The following PARD3B variants were observed in gnomAD, a reference collection of about 807,000 sequenced individuals.
PARD3B encodes the protein par-3 family cell polarity regulator beta.
PARD3B carries 103 observed loss-of-function variants against 130.2 expected under a neutral mutation model. The observed-to-expected ratio is 0.79, with a 90% confidence interval of 0.67 to 0.93. The LOEUF (loss-of-function observed/expected upper bound fraction) is 0.93, where lower values mean the gene tolerates loss of function less well. Among genes scored for constraint, PARD3B ranks in the 40% least tolerant of loss-of-function variants. The pLI is 0.00. For missense variants in PARD3B, 1,609 were observed against 1,499.2 expected, an observed-to-expected ratio of 1.07 and a Z score of -1.21; for synonymous variants, 583 against 553.2, an observed-to-expected ratio of 1.05 and a Z score of -0.76.
chr2:204,624,374 G>A (rs2034408683), intron 1 of PARD3B, among the ~76,000 whole-genome samples: 1 of 152,124 alleles, frequency 6.6e-6, no homozygotes, highest in Non-Finnish European at 1.5e-5. Context: ...TGGTTGGAAT[G>A]TAAAATGGTA....
intron 2 of PARD3B, among the ~76,000 whole-genome samples, chr2:204,921,953 G>T (rs1019477787): frequency 5.3e-5 from 8 of 152,218 alleles, no homozygotes; most frequent in South Asian, 4.1e-4. Flanking sequence ...TGCAGGCTGG[G>T]GGTGTGGCAT....
rs13417841 is a variant in PARD3B at position 204,883,928 on chromosome 2, G to A, written c.223-81224G>A. 9.5e-3 allele frequency among the ~76,000 whole-genome samples: 1,413 copies of A among 148,586 alleles called. 26 individuals carry two copies. Among genetic ancestry groups the A allele is most frequent in the African/African-American group, 0.033 (1,327 of 40,208 alleles). On this transcript the variant is annotated intron_variant, in intron 2 of 22. Coordinates refer to ENST00000406610, the MANE Select transcript of PARD3B (RefSeq NM_001302769.2). The stretch of plus-strand genomic sequence containing the variant: ...AATTTTTTGTGTTTTTAGTAGAGAC[G>A]GGGTTTTACTATCTTGGTCAGGCTG...
intron 2 of PARD3B, among the ~76,000 whole-genome samples, chr2:204,931,365 G>T (rs1575339266): frequency 6.6e-6 from 1 of 152,092 alleles, no homozygotes; most frequent in East Asian, 1.9e-4. Context: ...ATAGTGCCTG[G>T]CATATGAAAA....
Position 204,546,052 on chromosome 2 carries a change from A to G in PARD3B, c.53A>G (p.Glu18Gly), listed in dbSNP as rs2029904739. ...ACGGGCATCGTGGTGCCCTGCAAGGAGGGCCAGCTGCGCGTCGGCGAGCTC... is the reference window on the plus strand; with the variant it reads ...ACGGGCATCGTGGTGCCCTGCAAGGGGGGCCAGCTGCGCGTCGGCGAGCTC... ...GRTGIVVPCK[E>G]GQLRVGELTQ... The change falls in exon 1 of 23, where the codon GAG (glutamate) becomes GGG (glycine). Residue 18 changes from glutamate to glycine, a missense_variant. Transcript: ENST00000406610. 1.3e-6 allele frequency: 2 copies of G among 1,566,216 alleles called. No homozygotes were observed. The highest frequency in any genetic ancestry group is 1.7e-6 in the Non-Finnish European group (2 of 1,154,686).
chr2:205,103,444 T>G (rs1702969193), intron 4 of PARD3B, among the ~76,000 whole-genome samples: 1 of 150,852 alleles, frequency 6.6e-6, no homozygotes, highest in African/African-American at 2.4e-5. Flanking sequence ...AAAATAAAAA[T>G]TAAAAAAAGA....
At chr2:205,355,413 C>G (rs1006947335) in intron 18 of PARD3B, among the ~76,000 whole-genome samples, 1 of 152,032 alleles carries the variant, frequency 6.6e-6, no homozygotes, top group Non-Finnish European at 1.5e-5. Flanking sequence ...AAAAAATAAG[C>G]AAAAATGATA....
In PARD3B at chr2:204,749,508, C is replaced by T. The variant is rs1407209913; in HGVS notation, c.222+63226C>T. ...AAGAGTTGTGGTTTACCAGTTTCTC[C>T]CAATTTGGCACCCACCAATTTGACT... On this transcript the variant is annotated intron_variant, in intron 2 of 22. Coordinates refer to ENST00000406610, the MANE Select transcript of PARD3B (RefSeq NM_001302769.2). Among the ~76,000 whole-genome samples the T allele has an allele frequency of 3.9e-5, 6 of 152,008 alleles. No homozygotes were observed. The South Asian group carries it at 1.2e-3, about 32-fold the overall frequency.
In PARD3B at chr2:205,615,699, A is replaced by C. The variant is rs1162813601; in HGVS notation, c.3504A>C (p.Arg1168Ser). 1 of 1,614,028 alleles carries C rather than the reference A, an allele frequency of 6.2e-7. No individual in the cohort carries two copies. Among genetic ancestry groups the C allele is most frequent in the South Asian group, 1.1e-5 (1 of 91,066 alleles). ...CGCCTTCCCCTCCCCAGCACCAAAG[A>C]ATGCCAGCCTATCAGGAAACAGGCA... ...DVPPSPPQHQ[R>S]MPAYQETGRP... is the part of the protein sequence containing the mutation. The change falls in exon 23 of 23, where the codon AGA (arginine) becomes AGC (serine). Residue 1168 changes from arginine to serine, a missense_variant. By Grantham distance (110) the Arg-to-Ser change is moderately radical. Transcript: ENST00000406610.
At chr2:205,130,737 A>G (rs1211899134) in intron 10 of PARD3B, among the ~76,000 whole-genome samples, 2 of 152,200 alleles carry the variant, frequency 1.3e-5, no homozygotes, top group South Asian at 2.1e-4. Flanking sequence ...TTTGCCTGCT[A>G]TTTGATGCTG....
At chr2:205,216,217 T>A (rs1298707415) in intron 15 of PARD3B, among the ~76,000 whole-genome samples, 1 of 152,128 alleles carries the variant, frequency 6.6e-6, no homozygotes, top group African/African-American at 2.4e-5. Flanking sequence ...GTTAACAGCA[T>A]AGGTACCATA....
intron 4 of PARD3B, 53 bp downstream of exon 4, chr2:205,047,743 T>C (rs764520078): frequency 3.0e-5 from 40 of 1,320,174 alleles, no homozygotes; most frequent in Non-Finnish European, 4.0e-5. Flanking sequence ...GCTGTACCCA[T>C]AGGTTAAGTG....
chr2:204,753,324 G>A (rs1396192597), intron 2 of PARD3B, among the ~76,000 whole-genome samples: 1 of 152,030 alleles, frequency 6.6e-6, no homozygotes, highest in Non-Finnish European at 1.5e-5. Flanking sequence ...TTACAGCTAG[G>A]TGCTCCTAAA....
intron 3 of PARD3B, among the ~76,000 whole-genome samples, chr2:205,000,137 A>G (rs915995599): frequency 6.6e-6 from 1 of 152,130 alleles, no homozygotes; most frequent in East Asian, 1.9e-4. Context: ...ATATTATTAT[A>G]TAAAACACAG....
At chr2:205,212,205 C>CT (rs34504906) in intron 15 of PARD3B, among the ~76,000 whole-genome samples, 119,952 of 151,920 alleles carry the variant, frequency 0.79, 47,862 homozygotes, top group East Asian at 0.98. Context: ...GTCAGTGAAA[C>CT]TAACAGATTG....
At chr2:205,347,849 A>G (rs1165668430) in intron 18 of PARD3B, 2 of 152,252 alleles carry the variant, frequency 1.3e-5, no homozygotes, top group Non-Finnish European at 2.9e-5. Context: ...GGGTAACAGT[A>G]GCCAGAGTTT....
At chr2:205,527,696 C>T (rs1446534288) in intron 21 of PARD3B, among the ~76,000 whole-genome samples, 1 of 152,168 alleles carries the variant, frequency 6.6e-6, no homozygotes, top group Non-Finnish European at 1.5e-5. Context: ...CCTGCAGCCT[C>T]CTTTCATTCT....
intron 3 of PARD3B, among the ~76,000 whole-genome samples, chr2:204,970,561 T>C (rs2125174035): frequency 6.6e-6 from 1 of 152,346 alleles, no homozygotes; most frequent in East Asian, 1.9e-4. Context: ...TCCAACTCCA[T>C]GCCTCTGCCA....
intron 1 of PARD3B, among the ~76,000 whole-genome samples, chr2:204,605,267 C>A (rs904537822): frequency 6.6e-6 from 1 of 152,172 alleles, no homozygotes; most frequent in Non-Finnish European, 1.5e-5. Context: ...TAGCAAAGAA[C>A]TCACAGCCAT....
At chr2:205,455,645 TTA>T (rs1473614058) in intron 20 of PARD3B, among the ~76,000 whole-genome samples, 1 of 152,002 alleles carries the variant, frequency 6.6e-6, no homozygotes, top group East Asian at 1.9e-4. Flanking sequence ...ATAGTCATAG[TTA>T]TATATAGTTA....
Sources: gnomAD v4.1 joint callset for allele counts (sites outside exome capture counted in the v4.1 genomes callset) on GRCh38, gnomAD v4.1.1 for gene constraint, MANE v1.5 for transcripts, NCBI Gene and HGNC (gene_info 2026-07-23, HGNC 2026-07-21) for gene names.